Variants in ASXL2 observed in about 807,000 individuals in gnomAD.
The protein encoded by ASXL2 is putative Polycomb group protein ASXL2.
ASXL2 carries 23 observed loss-of-function variants against 122.0 expected under a neutral mutation model. That is an observed-to-expected ratio of 0.19 (90% CI 0.14 to 0.27). The LOEUF is 0.27. Ranked by LOEUF, ASXL2 falls within the 10% of genes least tolerant of loss-of-function variation. The pLI, the probability that ASXL2 is intolerant of heterozygous loss-of-function variation, is 1.00. For missense variants in ASXL2, 1,518 were observed against 1,713.8 expected (o/e 0.89, Z 2.02); for synonymous variants, 650 against 637.0 (o/e 1.02, Z -0.31).
chr2:25,743,631 G>T lies in ASXL2; in HGVS notation c.2706C>A (p.Pro902=), dbSNP rs1224680040. ...TTATLEKLPV[P]QVSATTAPAG... ...CAGGTGCTGTAGTTGCACTGACCTG[G>T]GGTACAGGAAGCTTTTCTAAAGTGG... Residue 902 remains proline, a synonymous_variant, in exon 13 of 13, where the codon CCC becomes CCA. Transcript: ENST00000435504. 2 of 1,613,990 alleles carry T rather than the reference G, an allele frequency of 1.2e-6. No individual in the cohort carries two copies. Among genetic ancestry groups the T allele is most frequent in the Non-Finnish European group, 1.7e-6 (2 of 1,179,880 alleles).
intron 12 of ASXL2, among the ~76,000 whole-genome samples, chr2:25,748,562 G>T (rs2087981249): frequency 6.6e-6 from 1 of 151,642 alleles, no homozygotes; most frequent in African/African-American, 2.4e-5. Flanking sequence ...TCTTTCCAAG[G>T]AATACTTCCT....
intron 5 of ASXL2, among the ~76,000 whole-genome samples, chr2:25,796,250 T>A (rs1009648534): frequency 1.3e-5 from 2 of 152,190 alleles, no homozygotes; most frequent in Non-Finnish European, 2.9e-5. Flanking sequence ...GAGTCTAGTA[T>A]TCCAACATAA....
At position 25,754,800 on chromosome 2, in the gene ASXL2, G is replaced by A. The variant is rs148151576; in HGVS notation, c.1037-1161C>T. Among the ~76,000 whole-genome samples, 5 of 151,976 alleles carry A rather than the reference G, an allele frequency of 3.3e-5. No individual in the cohort carries two copies. In the East Asian group the frequency reaches 7.7e-4, roughly 23 times the overall value. ...CAATTTATTCTTAAAGAAAGGTACC[G>A]GTAGAACTGGTATGTTTTAATCTTT... On this transcript the variant is annotated intron_variant, in intron 10 of 12. Transcript: ENST00000435504.
At chr2:25,844,793 C>T (rs2089630612) in intron 2 of ASXL2, among the ~76,000 whole-genome samples, 1 of 151,962 alleles carries the variant, frequency 6.6e-6, no homozygotes, top group Non-Finnish European at 1.5e-5. Flanking sequence ...GAGCACACCA[C>T]CACATCTAGT....
At chr2:25,819,057 T>C (rs936593101) in intron 3 of ASXL2, among the ~76,000 whole-genome samples, 1 of 152,152 alleles carries the variant, frequency 6.6e-6, no homozygotes, top group Non-Finnish European at 1.5e-5. Flanking sequence ...TCTAGCCAAA[T>C]GCCAGCTAAG....
Position 25,878,314 on chromosome 2 carries a change from CG to C in ASXL2, c.-93del. On this transcript the variant is annotated 5_prime_UTR_variant, in exon 1 of 13. Coordinates refer to ENST00000435504, the MANE Select transcript of ASXL2 (RefSeq NM_018263.6). ...CCCTGCGCTGCTTTTCCCGCGGTGCCGGGAAAGGTGGGAGAAAAGGGAAGTC... is the reference window on the plus strand; with the variant it reads ...CCCTGCGCTGCTTTTCCCGCGGTGCCGGAAAGGTGGGAGAAAAGGGAAGTC... 7.3e-7 allele frequency: 1 copy of C among 1,367,966 alleles called. No individual in the cohort carries two copies. Among genetic ancestry groups the C allele is most frequent in the Non-Finnish European group, 1.0e-6 (1 of 981,196 alleles). The allele number at this position is 1,367,966 out of a possible 1,614,324, so 84.7% of individuals were successfully genotyped here.
intron 3 of ASXL2, among the ~76,000 whole-genome samples, chr2:25,835,031 T>C (rs778533877): frequency 2.0e-5 from 3 of 151,894 alleles, no homozygotes; most frequent in Non-Finnish European, 4.4e-5. Context: ...ACCATATTGG[T>C]CAGGCTAGTC....
intron 3 of ASXL2, among the ~76,000 whole-genome samples, chr2:25,807,986 T>TACACACACACACACACACACACACACAC (rs147273836): frequency 3.9e-4 from 52 of 131,820 alleles, no homozygotes; most frequent in African/African-American, 1.4e-3. Flanking sequence ...AATCAGCTTT[T>TACACACACACACACACACACACACACAC]ACACACACAC....
intron 5 of ASXL2, among the ~76,000 whole-genome samples, chr2:25,793,520 CAA>C (rs2088867591): frequency 6.6e-6 from 1 of 152,180 alleles, no homozygotes. Context: ...TATTTTCTCC[CAA>C]AGACATTTAA....
At chr2:25,816,206 C>G (rs1006565236) in intron 3 of ASXL2, among the ~76,000 whole-genome samples, 7 of 150,864 alleles carry the variant, frequency 4.6e-5, no homozygotes, top group African/African-American at 1.7e-4. Flanking sequence ...CCACTGCACT[C>G]CAGCCTGTGC....
chr2:25,816,149 C>T (rs1419001433), intron 3 of ASXL2, among the ~76,000 whole-genome samples: 1 of 151,266 alleles, frequency 6.6e-6, no homozygotes. Context: ...TTTGGAAGAC[C>T]AAGGTGAGCT....
chr2:25,810,495 A>C (rs1176881583), intron 3 of ASXL2: 3 of 742,632 alleles, frequency 4.0e-6, no homozygotes, highest in Non-Finnish European at 2.4e-6. Context: ...GCTGGATCCT[A>C]TGGTTCAAGG....
At chr2:25,752,672 A>AC (rs1480381740) in intron 11 of ASXL2, among the ~76,000 whole-genome samples, 1 of 151,378 alleles carries the variant, frequency 6.6e-6, no homozygotes, top group Non-Finnish European at 1.5e-5. Flanking sequence ...ACATGGTGAA[A>AC]CCCCAACTCC....
At chr2:25,822,438 C>G (rs1454380358) in intron 3 of ASXL2, 3 of 349,648 alleles carry the variant, frequency 8.6e-6, no homozygotes, top group Non-Finnish European at 1.6e-5. Flanking sequence ...GGGCCGCCCA[C>G]CTGTTCGCCC....
At chr2:25,800,552 A>C (rs973672637) in intron 4 of ASXL2, among the ~76,000 whole-genome samples, 1 of 152,236 alleles carries the variant, frequency 6.6e-6, no homozygotes, top group Non-Finnish European at 1.5e-5. Context: ...AAATCATATG[A>C]AACTCTTTGG....
chr2:25,838,983 T>C (rs2089546463), intron 2 of ASXL2, among the ~76,000 whole-genome samples: 1 of 152,118 alleles, frequency 6.6e-6, no homozygotes, highest in Non-Finnish European at 1.5e-5. Context: ...AATCAACACA[T>C]GAGCTGTAAT....
intron 1 of ASXL2, among the ~76,000 whole-genome samples, chr2:25,876,092 T>G (rs892816806): frequency 2.0e-5 from 3 of 152,100 alleles, no homozygotes; most frequent in African/African-American, 7.2e-5. Context: ...CTAGAAAAAC[T>G]TTAGTGTCAT....
In ASXL2 at chr2:25,864,005, C is replaced by CA. The variant is rs977956229; in HGVS notation, c.57+14160dup. 6.1e-3 allele frequency among the ~76,000 whole-genome samples: 564 copies of CA among 92,674 alleles called. 6 individuals are homozygous for CA. The highest frequency in any genetic ancestry group is 0.016 in the African/African-American group (385 of 24,446). 60.8% of individuals were successfully genotyped at this position (92,674 alleles called of 152,430 possible). A position where few individuals can be genotyped will look rare whatever the true frequency, so the allele number is the denominator to read the frequency against. ...TGGGTAACAGAGCGAGACTCCATCTCAAAAAAAAAAAAAATACAATAAAAT... is the reference window on the plus strand; with the variant it reads ...TGGGTAACAGAGCGAGACTCCATCTCAAAAAAAAAAAAAAATACAATAAAAT... On this transcript the variant is annotated intron_variant, in intron 1 of 12. Transcript: ENST00000435504.
chr2:25,791,633 C>T (rs1574418741), intron 5 of ASXL2, among the ~76,000 whole-genome samples: 1 of 152,124 alleles, frequency 6.6e-6, no homozygotes. Context: ...TTCCTGAAAA[C>T]ACTATATACA....
Sources: gnomAD v4.1 joint callset for allele counts (sites outside exome capture counted in the v4.1 genomes callset) on GRCh38, gnomAD v4.1.1 for gene constraint, MANE v1.5 for transcripts, NCBI Gene and HGNC (gene_info 2026-07-23, HGNC 2026-07-21) for gene names.